The following CLBA1 variants were observed in gnomAD, a reference collection of about 807,000 sequenced individuals.
CLBA1 encodes uncharacterized protein CLBA1.
In CLBA1, 30 loss-of-function variants were observed where a neutral mutation model predicts 28.8. That is an observed-to-expected ratio of 1.04 (90% CI 0.78 to 1.41). The LOEUF is 1.41. CLBA1 is among the 40% of genes most tolerant of loss of function. The pLI is 0.00. For missense variants in CLBA1, 451 were observed against 412.3 expected, an observed-to-expected ratio of 1.09 and a Z score of -0.81; for synonymous variants, 160 against 152.8, an observed-to-expected ratio of 1.05 and a Z score of -0.35.
At chr14:104,996,788 C>T (rs560642338), downstream of CLBA1, among the ~76,000 whole-genome samples, 9 of 152,142 alleles carry the variant, frequency 5.9e-5, no homozygotes, top group African/African-American at 1.7e-4. Context: ...CAGACCCCAC[C>T]GAAGCCATGC....
Position 104,994,891 on chromosome 14 carries a change from C to T in CLBA1, c.*132C>T. 1 of 1,443,756 alleles carries T rather than the reference C, an allele frequency of 6.9e-7. No homozygotes were observed. The highest frequency in any genetic ancestry group is 2.7e-5 in the Admixed American group (1 of 36,870). 89.4% of individuals were successfully genotyped at this position (1,443,756 alleles called of 1,614,324 possible). A position where few individuals can be genotyped will look rare whatever the true frequency, so the allele number is the denominator to read the frequency against. On this transcript the variant is annotated 3_prime_UTR_variant, in exon 5 of 5. Transcript: ENST00000547315. ...CATTCCTGGGATCTCTCCAACAGGA[C>T]CTGTCCTGTGTTCTGGGCTTGTCTC... is the stretch of plus-strand genomic sequence containing the variant.
Position 104,995,170 on chromosome 14 carries a change from C to T in CLBA1, c.*411C>T. ...GGAAAAGGGGAAGGCACTGAAACGTCACCAGAGAGACAGCTGTTGAGACCG... is the reference window on the plus strand; with the variant it reads ...GGAAAAGGGGAAGGCACTGAAACGTTACCAGAGAGACAGCTGTTGAGACCG... On this transcript the variant is annotated 3_prime_UTR_variant, in exon 5 of 5. Coordinates refer to ENST00000547315, the MANE Select transcript of CLBA1 (RefSeq NM_174891.4). 1 of 989,448 alleles carries T rather than the reference C, an allele frequency of 1.0e-6. No homozygotes were observed. Among genetic ancestry groups the T allele is most frequent in the Non-Finnish European group, 1.2e-6 (1 of 832,850 alleles). The allele number at this position is 989,448 out of a possible 1,614,324, so 61.3% of individuals were successfully genotyped here.
At chr14:104,987,279 T>C (rs531311350) in intron 1 of CLBA1, among the ~76,000 whole-genome samples, 2 of 152,366 alleles carry the variant, frequency 1.3e-5, no homozygotes, top group African/African-American at 4.8e-5. Context: ...TTGCTTGTAA[T>C]GAATTGGGTG....
In CLBA1 at chr14:104,994,983, C is replaced by T; in HGVS notation, c.*224C>T. ...AAGGGGAGACAGAGGTTTCTGGATGCCATGACAGGCTGTCGGGGTCCAGGT... is the reference window on the plus strand; with the variant it reads ...AAGGGGAGACAGAGGTTTCTGGATGTCATGACAGGCTGTCGGGGTCCAGGT... On this transcript the variant is annotated 3_prime_UTR_variant, in exon 5 of 5. Coordinates refer to ENST00000547315, the MANE Select transcript of CLBA1 (RefSeq NM_174891.4). 1 of 1,206,524 alleles carries T rather than the reference C, an allele frequency of 8.3e-7. No individual in the cohort carries two copies. Among genetic ancestry groups the T allele is most frequent in the Non-Finnish European group, 1.0e-6 (1 of 969,090 alleles). The allele number at this position is 1,206,524 out of a possible 1,614,324, so 74.7% of individuals were successfully genotyped here.
At chr14:105,000,956 T>C (rs972473012) in intron 2 of CLBA1, among the ~76,000 whole-genome samples, 3 of 151,884 alleles carry the variant, frequency 2.0e-5, no homozygotes, top group Admixed American at 6.6e-5. Context: ...CCCATGTTTA[T>C]TGCAGCACTA....
In CLBA1 at chr14:104,987,143, T is replaced by C. The variant is rs559816962; in HGVS notation, c.423+289T>C. Among the ~76,000 whole-genome samples, 17 of 152,392 alleles carry C rather than the reference T, an allele frequency of 1.1e-4. No homozygotes were observed. The East Asian group carries it at 2.3e-3, about 21-fold the overall frequency. On this transcript the variant is annotated intron_variant, in intron 1 of 4. Transcript: ENST00000547315. ...ACCATTCCTCCCCCAGCCTGTCCATTCCCCATTGGTGGGGGCTGCACTGGC... is the reference window on the plus strand; with the variant it reads ...ACCATTCCTCCCCCAGCCTGTCCATCCCCCATTGGTGGGGGCTGCACTGGC...
intron 3 of CLBA1, 44 bp from the exon 4 acceptor site, chr14:104,992,904 A>G: frequency 6.8e-7 from 1 of 1,468,996 alleles, no homozygotes; most frequent in Non-Finnish European, 9.5e-7. Flanking sequence ...ACAGGAGACA[A>G]AATGATGACT....
At chr14:104,999,366 G>C (rs1435020083), downstream of CLBA1, 12 of 462,836 alleles carry the variant, frequency 2.6e-5, no homozygotes, top group Non-Finnish European at 3.4e-5. Context: ...AGAGGCTTTG[G>C]CCATCATGCA....
downstream of CLBA1, among the ~76,000 whole-genome samples, chr14:104,998,033 G>GA (rs960223472): frequency 3.2e-4 from 48 of 149,328 alleles, 1 homozygote; most frequent in African/African-American, 1.2e-3. Context: ...AGAAAGAAAA[G>GA]AAAAAAATAT....
chr14:104,997,826 C>T (rs7157046), downstream of CLBA1, among the ~76,000 whole-genome samples: 121,378 of 152,014 alleles, frequency 0.8, 48,643 homozygotes, highest in Middle Eastern at 0.88. Flanking sequence ...CTGGCCAACA[C>T]GGAGAAACCC....
downstream of CLBA1, chr14:104,995,569 C>T (rs755707942): frequency 2.2e-5 from 21 of 943,432 alleles, no homozygotes; most frequent in Non-Finnish European, 2.7e-5. Context: ...AAATCCTGTC[C>T]CCAGGGGAGG....
chr14:104,988,912 C>T, intron 1 of CLBA1, 31 bp from the exon 2 acceptor site: 2 of 1,569,090 alleles, frequency 1.3e-6, no homozygotes, highest in Non-Finnish European at 1.7e-6. Context: ...TTTCTCCTAA[C>T]TTTGGTATGC....
intron 1 of CLBA1, among the ~76,000 whole-genome samples, chr14:104,988,742 C>T (rs974669502): frequency 6.6e-6 from 1 of 152,164 alleles, no homozygotes; most frequent in Non-Finnish European, 1.5e-5. Context: ...TGCCCTAACC[C>T]CACCTTTCCC....
chr14:104,992,519 C>T (rs1453648154), intron 3 of CLBA1, among the ~76,000 whole-genome samples: 1 of 152,162 alleles, frequency 6.6e-6, no homozygotes, highest in East Asian at 1.9e-4. Context: ...TTGGGCTGGC[C>T]AGGAAGGAAG....
rs751866926 is a variant in CLBA1, at chr14:104,989,129, G to T, written c.569+41G>T. The T allele has an allele frequency of 4.4e-6, 7 of 1,590,810 alleles. No homozygotes were observed. The Admixed American group carries it at 1.2e-4, about 28-fold the overall frequency. On this transcript the variant is annotated intron_variant, in intron 2 of 4. Coordinates refer to ENST00000547315, the MANE Select transcript of CLBA1 (RefSeq NM_174891.4). The stretch of plus-strand genomic sequence containing the variant: ...AATATTTCTTACAGCAACTGCTTTT[G>T]TACTTTTGTTTGATAAAAGTAGGTG...
chr14:104,987,901 T>G (rs1292360642), intron 1 of CLBA1, among the ~76,000 whole-genome samples: 1 of 151,842 alleles, frequency 6.6e-6, no homozygotes. Flanking sequence ...CCTCTCAAAG[T>G]GCTGGGATTA....
intron 4 of CLBA1, chr14:104,993,779 GC>G (rs749464158): frequency 1.1e-5 from 11 of 985,346 alleles, no homozygotes; most frequent in Non-Finnish European, 1.2e-5. Flanking sequence ...AACAGTCGGG[GC>G]TCATTGTGTA....
At chr14:104,988,869 A>G in intron 1 of CLBA1, 74 bp from the exon 2 acceptor site, 1 of 1,388,942 alleles carries the variant, frequency 7.2e-7, no homozygotes, top group South Asian at 1.3e-5. Context: ...TATCACAATT[A>G]TTTCTTTGGA....
rs2582566 is a variant in CLBA1, at chr14:104,993,931, G to A, written c.817-667G>A. On this transcript the variant is annotated intron_variant, in intron 4 of 4. Coordinates refer to ENST00000547315, the MANE Select transcript of CLBA1 (RefSeq NM_174891.4). ...GAGACTGAGCTGGGACAGCAGGAAG[G>A]TTGCATAGCACAGGAGGCAGCCAGG... is the stretch of plus-strand genomic sequence containing the variant. 16,344 of 985,360 alleles carry A rather than the reference G, an allele frequency of 0.017. 2,107 individuals carry two copies. The African/African-American group carries it at 0.26, about 16-fold the overall frequency. The allele number at this position is 985,360 out of a possible 1,614,324, so 61.0% of individuals were successfully genotyped here.
Sources: allele counts gnomAD v4.1 joint callset (sites outside exome capture counted in the v4.1 genomes callset), GRCh38; gene constraint gnomAD v4.1.1; transcripts MANE v1.5; gene names NCBI Gene and HGNC (gene_info 2026-07-23, HGNC 2026-07-21).